CCDC42: variants seen among roughly 807,000 people sequenced by gnomAD.
The protein encoded by CCDC42 is coiled-coil domain-containing protein 42.
Under a neutral mutation model 40.8 loss-of-function variants are expected in CCDC42, and 38 were observed. The observed-to-expected ratio is 0.93, with a 90% CI of 0.72 to 1.22. CCDC42 has a LOEUF of 1.22. CCDC42 is among the 50% of genes most tolerant of loss of function. The pLI is 0.00. For missense variants in CCDC42, 379 were observed against 416.5 expected, an observed-to-expected ratio of 0.91 and a Z score of 0.78; for synonymous variants, 135 against 157.5, an observed-to-expected ratio of 0.86 and a Z score of 1.07.
At position 8,735,152 on chromosome 17, in the gene CCDC42, G is replaced by A. The variant is rs968990797; in HGVS notation, c.817C>T (p.His273Tyr). ...TLNLFQIVSKHLKEVTEVALE... is the reference protein window; with the variant it reads ...TLNLFQIVSKYLKEVTEVALE... ...GCCACCTCAGTCACCTCCTTCAGGT[G>A]CTTGCTCACGATCTGGAAGAGGTTC... Residue 273 changes from histidine to tyrosine, a missense_variant, in exon 6 of 7, where the codon CAC (histidine) becomes TAC (tyrosine). Transcript: ENST00000293845. This position sits in a 1 kb window ranked among gnomAD's most constrained non-coding sequence, Gnocchi z 4.7. 8.1e-6 allele frequency: 13 copies of A among 1,614,082 alleles called. No individual in the cohort carries two copies. In the African/African-American group the frequency reaches 1.7e-4, roughly 22 times the overall value.
chr17:8,730,173 C>T lies in CCDC42; in HGVS notation c.908G>A (p.Trp303Ter). The change falls in exon 7 of 7, where the codon TGG (tryptophan) becomes TAG (stop). Residue 303 changes from tryptophan to a stop codon, truncating the protein, a stop_gained. Coordinates refer to ENST00000293845, the MANE Select transcript of CCDC42 (RefSeq NM_144681.3). LOFTEE classifies it high-confidence loss of function. ...QQFIQDRSDIWAEVKKKEQQR... is the reference protein window; with the variant it reads ...QQFIQDRSDI ...TTGTTCCTTCTTTTTCACCTCTGCC[C>T]AGATGTCCGACCGGTCTTGGATAAA... The T allele has an allele frequency of 6.2e-7, 1 of 1,613,982 alleles. No homozygotes were observed. Among genetic ancestry groups the T allele is most frequent in the Non-Finnish European group, 8.5e-7 (1 of 1,179,922 alleles).
At chr17:8,732,319 A>G (rs1338489171) in intron 6 of CCDC42, among the ~76,000 whole-genome samples, 1 of 146,846 alleles carries the variant, frequency 6.8e-6, no homozygotes, top group East Asian at 2.0e-4. Context: ...AAAAAAAAAA[A>G]AAAACCTGCT....
At position 8,744,147 on chromosome 17, in the gene CCDC42, AT is replaced by A; in HGVS notation, c.120del (p.Ser41ProfsTer32). ...LPNVEGASES[P>X]SIWLLEKKKE... is the part of the protein sequence containing the mutation. The stretch of plus-strand genomic sequence containing the variant: ...TTTTTCTTCTCCAGTAGCCAGATGG[AT>A]GGGGACTCCGACGCCCCCTCAACAT... On this transcript the variant is annotated frameshift_variant, in exon 2 of 7. Transcript: ENST00000293845. LOFTEE classifies it high-confidence loss of function. 6.2e-7 allele frequency: 1 copy of A among 1,613,826 alleles called. No homozygotes were observed. Among genetic ancestry groups the A allele is most frequent in the Non-Finnish European group, 8.5e-7 (1 of 1,179,914 alleles).
chr17:8,730,024 A>G lies in CCDC42; in HGVS notation c.*106T>C. 1.1e-6 allele frequency: 1 copy of G among 922,852 alleles called. No homozygotes were observed. Among genetic ancestry groups the G allele is most frequent in the Non-Finnish European group, 1.8e-6 (1 of 571,008 alleles). The allele number at this position is 922,852 out of a possible 1,614,324, so 57.2% of individuals were successfully genotyped here. A position where few individuals can be genotyped will look rare whatever the true frequency, so the allele number is the denominator to read the frequency against. On this transcript the variant is annotated 3_prime_UTR_variant, in exon 7 of 7. Transcript: ENST00000293845. ...AAATAAGCAGGTGTCCCTCAGCAGG[A>G]AGGCACAGCAGGCATCGGTCCCGAG...
chr17:8,732,938 C>A (rs1205171662), intron 6 of CCDC42, among the ~76,000 whole-genome samples: 1 of 152,172 alleles, frequency 6.6e-6, no homozygotes, highest in East Asian at 1.9e-4. Flanking sequence ...GTACCACGTT[C>A]CTTGTTCTCT....
intron 3 of CCDC42, 87 bp downstream of exon 3, chr17:8,743,539 C>A: frequency 1.2e-6 from 1 of 816,370 alleles, no homozygotes; most frequent in South Asian, 1.3e-5. Context: ...GGCGAGGAGT[C>A]AGCAGAAGCA....
At position 8,735,559 on chromosome 17, in the gene CCDC42, C is replaced by T. The variant is rs371328672; in HGVS notation, c.545G>A (p.Arg182His). ...IARYKTLVSM[R>H]HDLMQSAQEG... ...CTGCGCAGACTGCATGAGGTCGTGG[C>T]GCATGCTCACCAGCGTCTTGTAGCG... The change falls in exon 5 of 7, where the codon CGC becomes CAC. Residue 182 changes from arginine to histidine, a missense_variant. By Grantham distance (29) the Arg-to-His change is conservative. Coordinates refer to ENST00000293845, the MANE Select transcript of CCDC42 (RefSeq NM_144681.3). This position sits in a 1 kb window ranked among gnomAD's most constrained non-coding sequence, Gnocchi z 4.7. The T allele has an allele frequency of 1.5e-5, 24 of 1,614,100 alleles. 1 individual carries two copies. Among genetic ancestry groups the T allele is most frequent in the South Asian group, 8.8e-5 (8 of 91,082 alleles).
intron 4 of CCDC42, among the ~76,000 whole-genome samples, chr17:8,736,763 T>G (rs982988071): frequency 2.0e-5 from 3 of 151,448 alleles, no homozygotes; most frequent in East Asian, 3.9e-4. Context: ...AAATAGAAGA[T>G]AGCTAGCAAA....
chr17:8,741,478 G>T lies in CCDC42; in HGVS notation c.488C>A (p.Ser163Tyr). ...NKYLEKVVEN[S>Y]EFEEIHEVIA... ...CCCCCTGCTCCTTGGACTCACCTCG[G>T]AGTTCTCCACCACCTTCTCTAGGTA... The change falls in exon 4 of 7, where the codon TCC becomes TAC. Residue 163 changes from serine to tyrosine, a missense_variant. Ser to Tyr is a moderately radical substitution (Grantham distance 144). Transcript: ENST00000293845. The T allele has an allele frequency of 6.2e-7, 1 of 1,614,136 alleles. No individual in the cohort carries two copies. The highest frequency in any genetic ancestry group is 1.3e-5 in the African/African-American group (1 of 75,054).
At chr17:8,738,558 C>T (rs901526358) in intron 4 of CCDC42, among the ~76,000 whole-genome samples, 38 of 151,236 alleles carry the variant, frequency 2.5e-4, no homozygotes, top group African/African-American at 9.0e-4. Context: ...CTCTGCCTCC[C>T]GGGTTCAAGC....
Position 8,735,640 on chromosome 17 carries a change from A to T in CCDC42, c.493-29T>A, listed in dbSNP as rs2086607413. On this transcript the variant is annotated intron_variant, in intron 4 of 6. Coordinates refer to ENST00000293845, the MANE Select transcript of CCDC42 (RefSeq NM_144681.3). This position sits in a 1 kb window ranked among gnomAD's most constrained non-coding sequence, Gnocchi z 4.7. ...TGGTCAGGGGCTCAGGTCAATGCAC[A>T]GCCAGCCCCTGGGGCCTGAGGGAGC... 6 of 1,591,824 alleles carry T rather than the reference A, an allele frequency of 3.8e-6. No homozygotes were observed. Among genetic ancestry groups the T allele is most frequent in the African/African-American group, 1.3e-5 (1 of 74,482 alleles).
chr17:8,739,583 C>T (rs941756393), intron 4 of CCDC42, among the ~76,000 whole-genome samples: 3 of 152,212 alleles, frequency 2.0e-5, no homozygotes, highest in Non-Finnish European at 4.4e-5. Flanking sequence ...GCTCTTGTCG[C>T]CCAGGCTGGA....
Position 8,730,919 on chromosome 17 carries a change from C to T in CCDC42, c.874-712G>A, listed in dbSNP as rs1420126523. ...ACAACTTCACCGCCCTCAAGGTGGT[C>T]GTGCATTCGAAACCCAGAGCTGATG... is the stretch of plus-strand genomic sequence containing the variant. On this transcript the variant is annotated intron_variant, in intron 6 of 6. Transcript: ENST00000293845. Among the ~76,000 whole-genome samples, 5 of 152,148 alleles carry T rather than the reference C, an allele frequency of 3.3e-5. No individual in the cohort carries two copies. In the South Asian group the frequency reaches 6.2e-4, roughly 19 times the overall value.
At chr17:8,732,619 G>A (rs149599950) in intron 6 of CCDC42, among the ~76,000 whole-genome samples, 12 of 152,326 alleles carry the variant, frequency 7.9e-5, no homozygotes, top group African/African-American at 2.9e-4. Flanking sequence ...AAGGAGTCCT[G>A]TGGTCAAGTC....
At chr17:8,744,492 C>CA (rs1169022013) in intron 1 of CCDC42, 35 bp downstream of exon 1, 1 of 1,567,842 alleles carries the variant, frequency 6.4e-7, no homozygotes, top group Non-Finnish European at 8.7e-7. Context: ...GTCCCAGGCA[C>CA]AGAGGGGTGG....
intron 1 of CCDC42, 126 bp downstream of exon 1, chr17:8,744,401 G>T: frequency 1.2e-6 from 1 of 841,550 alleles, no homozygotes; most frequent in Non-Finnish European, 2.0e-6. Flanking sequence ...GTGGACTGGT[G>T]CCAAGGTTAT....
intron 1 of CCDC42, 53 bp downstream of exon 1, chr17:8,744,472 GGT>G (rs973496009): frequency 1.2e-5 from 16 of 1,380,192 alleles, no homozygotes; most frequent in Non-Finnish European, 1.5e-5. Flanking sequence ...GTATGGGGTG[GGT>G]GTGAGTGGTC....
chr17:8,735,642 C>A lies in CCDC42; in HGVS notation c.493-31G>T, dbSNP rs1174727054. The A allele has an allele frequency of 3.8e-6, 6 of 1,587,044 alleles. No individual in the cohort carries two copies. The highest frequency in any genetic ancestry group is 1.3e-5 in the African/African-American group (1 of 74,252). Reference sequence around the variant, plus strand: ...GTCAGGGGCTCAGGTCAATGCACAGCCAGCCCCTGGGGCCTGAGGGAGCCA... The same window carrying A: ...GTCAGGGGCTCAGGTCAATGCACAGACAGCCCCTGGGGCCTGAGGGAGCCA... On this transcript the variant is annotated intron_variant, in intron 4 of 6. Coordinates refer to ENST00000293845, the MANE Select transcript of CCDC42 (RefSeq NM_144681.3). The surrounding 1 kb of genome is among the most constrained non-coding windows in gnomAD (Gnocchi z 4.7).
chr17:8,737,520 G>A (rs922050046), intron 4 of CCDC42, among the ~76,000 whole-genome samples: 2 of 152,144 alleles, frequency 1.3e-5, no homozygotes. Context: ...GACCCACATA[G>A]TAATCAAATG....
Sources: gnomAD v4.1 joint callset for allele counts (sites outside exome capture counted in the v4.1 genomes callset) on GRCh38, gnomAD v4.1.1 for gene constraint, Gnocchi (gnomAD v3.1) non-coding constraint, MANE v1.5 for transcripts, NCBI Gene and HGNC (gene_info 2026-07-23, HGNC 2026-07-21) for gene names.